The following THNSL1 variants were observed in gnomAD, a reference collection of about 807,000 sequenced individuals.
The protein encoded by THNSL1 is threonine synthase like 1.
Under a neutral mutation model 50.4 loss-of-function variants are expected in THNSL1, and 48 were observed. The ratio of observed to expected loss-of-function variants is 0.95; its 90% confidence interval spans 0.76 to 1.21. THNSL1 has a LOEUF of 1.21. Among genes scored for constraint, THNSL1 ranks in the 50% most tolerant of loss-of-function variants. THNSL1 has a pLI of 0.00. For synonymous variants in THNSL1, 309 were observed against 306.1 expected (o/e 1.01, Z -0.10); for missense variants, 896 against 871.7 (o/e 1.03, Z -0.35).
At position 25,025,447 on chromosome 10, in the gene THNSL1, T is replaced by G; in HGVS notation, c.2224T>G (p.Phe742Val). 1 of 1,599,384 alleles carries G rather than the reference T, an allele frequency of 6.3e-7. No homozygotes were observed. Among genetic ancestry groups the G allele is most frequent in the Non-Finnish European group, 8.5e-7 (1 of 1,174,642 alleles). The change falls in exon 3 of 3, where the codon TTC becomes GTC. Residue 742 changes from phenylalanine (F) to valine (V), a missense_variant. Transcript: ENST00000376356. ...SHVEQLVQNQ[F>V]I ...TGTGGAACAACTTGTCCAAAATCAA[T>G]TCATATGAAAGCTTTCAGAGTAAAT...
At chr10:24,962,477 A>G in the THNSL1 span, among the ~76,000 whole-genome samples, 5 of 152,240 alleles carry the variant, frequency 3.3e-5, no homozygotes, top group Non-Finnish European at 5.9e-5. Flanking sequence ...AGCAAACATA[A>G]CTACATCACT....
chr10:24,992,612 T>C, the THNSL1 span, among the ~76,000 whole-genome samples: 2 of 152,160 alleles, frequency 1.3e-5, no homozygotes, highest in African/African-American at 4.8e-5. Context: ...AATGTTTAGA[T>C]TTTTCTGGGT....
chr10:24,960,072 A>G, the THNSL1 span, among the ~76,000 whole-genome samples: 1 of 114,782 alleles, frequency 8.7e-6, no homozygotes, highest in African/African-American at 3.2e-5. Flanking sequence ...CATTTTTGCC[A>G]TTTTTCTCTC....
the THNSL1 span, among the ~76,000 whole-genome samples, chr10:24,986,208 G>A: frequency 6.6e-6 from 1 of 152,172 alleles, no homozygotes; most frequent in Non-Finnish European, 1.5e-5. Flanking sequence ...GTAAGCTCTT[G>A]TACAAATTTA....
the THNSL1 span, among the ~76,000 whole-genome samples, chr10:24,964,780 A>C: frequency 3.9e-4 from 59 of 152,354 alleles, no homozygotes; most frequent in African/African-American, 1.4e-3. Flanking sequence ...AAAACTGTCC[A>C]GGCTGAGCAG....
At position 25,023,553 on chromosome 10, in the gene THNSL1, A is replaced by G. The variant is rs1487980316; in HGVS notation, c.330A>G (p.Gln110=). 6.8e-6 allele frequency: 11 copies of G among 1,613,996 alleles called. No individual in the cohort carries two copies. The highest frequency in any genetic ancestry group is 1.6e-4 in the Middle Eastern group (1 of 6,084). Residue 110 remains glutamine (Q), a synonymous_variant, in exon 3 of 3, where the codon CAA becomes CAG. Coordinates refer to ENST00000376356, the MANE Select transcript of THNSL1 (RefSeq NM_024838.5). ...SEKLQDVGNE[Q]FLEEEGKAVL... ...AATTACAGGATGTTGGTAATGAGCA[A>G]TTTTTAGAAGAGGAAGGAAAAGCTG... is the stretch of plus-strand genomic sequence containing the variant.
chr10:24,987,386 C>A, the THNSL1 span, among the ~76,000 whole-genome samples: 1 of 152,032 alleles, frequency 6.6e-6, no homozygotes, highest in Non-Finnish European at 1.5e-5. Flanking sequence ...CCTGCAATCC[C>A]AACACTTTGA....
the THNSL1 span, among the ~76,000 whole-genome samples, chr10:25,003,157 C>A: frequency 6.6e-6 from 1 of 151,144 alleles, no homozygotes; most frequent in Non-Finnish European, 1.5e-5. Flanking sequence ...TTCAGTGTTT[C>A]TTTAATTAAT....
the THNSL1 span, among the ~76,000 whole-genome samples, chr10:24,988,965 C>T: frequency 0.011 from 1,647 of 151,716 alleles, 13 homozygotes; most frequent in Non-Finnish European, 0.017. Context: ...GCTCATAAGG[C>T]GTCCAGTGGA....
the THNSL1 span, chr10:24,984,917 C>G: frequency 6.2e-7 from 1 of 1,605,480 alleles, no homozygotes; most frequent in South Asian, 1.1e-5. Flanking sequence ...TGCAAATGGT[C>G]AAGAAACTTG....
At chr10:24,991,940 C>T in the THNSL1 span, among the ~76,000 whole-genome samples, 9 of 152,180 alleles carry the variant, frequency 5.9e-5, no homozygotes, top group Non-Finnish European at 1.3e-4. Flanking sequence ...ACCTGCCCTT[C>T]GGCATGCTCC....
the THNSL1 span, among the ~76,000 whole-genome samples, chr10:24,981,521 C>A: frequency 2.6e-4 from 39 of 152,154 alleles, no homozygotes; most frequent in Non-Finnish European, 4.4e-5. Context: ...TCTCCTGCAA[C>A]CAGATTTTAT....
the THNSL1 span, among the ~76,000 whole-genome samples, chr10:25,010,744 T>TAGCG: frequency 7.3e-6 from 1 of 137,512 alleles, no homozygotes; most frequent in Admixed American, 7.9e-5. Context: ...GATTTCCAAT[T>TAGCG]TCATCCATGT....
At chr10:24,996,100 GAA>G in the THNSL1 span, among the ~76,000 whole-genome samples, 1 of 151,850 alleles carries the variant, frequency 6.6e-6, no homozygotes, top group Non-Finnish European at 1.5e-5. Context: ...TTTTTAAAAA[GAA>G]AAAAAGTCAG....
the THNSL1 span, among the ~76,000 whole-genome samples, chr10:24,991,073 G>T: frequency 6.6e-6 from 1 of 152,134 alleles, no homozygotes; most frequent in Non-Finnish European, 1.5e-5. Flanking sequence ...CTCCAGCCTG[G>T]GTGTCAGAGT....
At chr10:24,998,180 T>C in the THNSL1 span, among the ~76,000 whole-genome samples, 1 of 152,174 alleles carries the variant, frequency 6.6e-6, no homozygotes, top group Admixed American at 6.5e-5. Flanking sequence ...TTTGTTAAAA[T>C]GTACATCGCT....
chr10:24,959,834 A>G, the THNSL1 span, among the ~76,000 whole-genome samples: 1 of 152,220 alleles, frequency 6.6e-6, no homozygotes, highest in Non-Finnish European at 1.5e-5. Flanking sequence ...AGGACTAAAT[A>G]TTTTATATAT....
chr10:25,020,718 G>A lies in THNSL1; in HGVS notation c.-215-1024G>A, dbSNP rs914365069. Among the ~76,000 whole-genome samples, 5 of 150,658 alleles carry A rather than the reference G, an allele frequency of 3.3e-5. No homozygotes were observed. In the Admixed American group the frequency reaches 3.3e-4, roughly 10 times the overall value. On this transcript the variant is annotated intron_variant, in intron 1 of 2. Coordinates refer to ENST00000376356, the MANE Select transcript of THNSL1 (RefSeq NM_024838.5). ...ATCATGCCACTGCACTCCAGCCTGG[G>A]TGACAGTGGAAGACCCTTTCTCAAA...
the THNSL1 span, among the ~76,000 whole-genome samples, chr10:24,996,976 C>G: frequency 0.013 from 2,045 of 152,268 alleles, 25 homozygotes; most frequent in Non-Finnish European, 0.019. Context: ...AATTTGAACA[C>G]AGACATACAT....
Sources: allele counts gnomAD v4.1 joint callset (sites outside exome capture counted in the v4.1 genomes callset), GRCh38; gene constraint gnomAD v4.1.1; transcripts MANE v1.5; gene names NCBI Gene and HGNC (gene_info 2026-07-23, HGNC 2026-07-21).